STARD4: variants seen among roughly 807,000 people sequenced by gnomAD.
The protein encoded by STARD4 is StAR related lipid transfer domain containing 4.
A neutral mutation model predicts 24.9 loss-of-function variants in STARD4; 33 were observed. The ratio of observed to expected loss-of-function variants is 1.32; its 90% CI spans 1.00 to 1.77. The LOEUF is 1.77. Ranked by LOEUF, STARD4 falls within the 40% of genes most tolerant of loss-of-function variation. The pLI is 0.00. For synonymous variants in STARD4, 88 were observed against 77.4 expected (o/e 1.14, Z -0.72); for missense variants, 238 against 249.3 (o/e 0.95, Z 0.31).
chr5:111,501,835 C>T (rs1756472908), intron 4 of STARD4, 127 bp downstream of exon 4: 2 of 1,303,548 alleles, frequency 1.5e-6, no homozygotes, highest in African/African-American at 1.5e-5. Flanking sequence ...ATATCTTTGT[C>T]GTGACTGCTA....
At chr5:111,500,282 CAA>C in intron 5 of STARD4, 176 bp from the exon 6 acceptor site, 4 of 1,340,726 alleles carry the variant, frequency 3.0e-6, no homozygotes, top group Non-Finnish European at 3.8e-6. Flanking sequence ...AGAATTCTGA[CAA>C]GAGGTTGGCA....
intron 3 of STARD4, among the ~76,000 whole-genome samples, chr5:111,504,351 C>A (rs965832040): frequency 1.3e-5 from 2 of 152,076 alleles, no homozygotes; most frequent in African/African-American, 2.4e-5. Context: ...TTACATATGA[C>A]AACATGGCTA....
At chr5:111,503,314 GATAAATTAA>G (rs1756601796) in intron 3 of STARD4, among the ~76,000 whole-genome samples, 1 of 152,232 alleles carries the variant, frequency 6.6e-6, no homozygotes, top group Admixed American at 6.5e-5. Context: ...ATTAATTCCA[GATAAATTAA>G]ATATCTGTGT....
At chr5:111,509,139 G>A (rs958126891) in intron 1 of STARD4, among the ~76,000 whole-genome samples, 4 of 151,992 alleles carry the variant, frequency 2.6e-5, no homozygotes, top group African/African-American at 9.7e-5. Flanking sequence ...TTATTCAAGA[G>A]TATGCCACAA....
At chr5:111,500,705 G>A in intron 5 of STARD4, 1 of 1,369,886 alleles carries the variant, frequency 7.3e-7, no homozygotes, top group African/African-American at 1.5e-5. Flanking sequence ...TTTTCTGAGA[G>A]TGGCTTAGAA....
At chr5:111,508,637 A>C (rs1757031196) in intron 1 of STARD4, among the ~76,000 whole-genome samples, 1 of 152,174 alleles carries the variant, frequency 6.6e-6, no homozygotes. Context: ...GTTGTCAACT[A>C]TGGATGCACA....
At position 111,502,060 on chromosome 5, in the gene STARD4, G is replaced by C; in HGVS notation, c.184C>G (p.Leu62Val). The change falls in exon 4 of 6, where the codon CTT becomes GTT. Residue 62 changes from leucine (L) to valine (V), a missense_variant. Coordinates refer to ENST00000296632, the MANE Select transcript of STARD4 (RefSeq NM_139164.3). ...LYKAQGVIDD[L>V]VYSIIDHIRP... ...ATATGGTCTATTATACTATAGACAA[G>C]GTCATCTATAACACCTTGGGCTTTG... 6.2e-7 allele frequency: 1 copy of C among 1,614,016 alleles called. No homozygotes were observed. The highest frequency in any genetic ancestry group is 8.5e-7 in the Non-Finnish European group (1 of 1,179,978).
intron 3 of STARD4, among the ~76,000 whole-genome samples, chr5:111,502,384 A>T (rs1052763277): frequency 6.6e-6 from 1 of 150,480 alleles, no homozygotes; most frequent in African/African-American, 2.4e-5. Context: ...CAGGAGAATC[A>T]CTTGAACCCC....
chr5:111,499,916 G>A lies in STARD4; in HGVS notation c.588C>T (p.Asn196=), dbSNP rs1370310148. 1 of 1,614,132 alleles carries A rather than the reference G, an allele frequency of 6.2e-7. No individual in the cohort carries two copies. Among genetic ancestry groups the A allele is most frequent in the Non-Finnish European group, 8.5e-7 (1 of 1,180,008 alleles). The change falls in exon 6 of 6, where the codon AAC becomes AAT. Residue 196 remains asparagine (N), a synonymous_variant. Transcript: ENST00000296632. ...AAGCTTTTCGTAAATCACCATAGAA[G>A]TTGGTTAAAGTGCTTGCCATGGCTG... ...VDTAMASTLT[N]FYGDLRKAL
rs540050879 is a variant in STARD4, at chr5:111,496,855, G to C, written c.*3031C>G. ...ACCTGAATGAACACTGAAATAAAAA[G>C]ATTTTTAAGATTTACAAGCTCCCTA... On this transcript the variant is annotated 3_prime_UTR_variant, in exon 6 of 6. Transcript: ENST00000296632. 2.6e-4 allele frequency: 39 copies of C among 151,962 alleles called. No individual in the cohort carries two copies. The highest frequency in any genetic ancestry group is 5.0e-4 in the Non-Finnish European group (34 of 67,870). The allele number at this position is 151,962 out of a possible 1,614,324, so 9.4% of individuals were successfully genotyped here. A position where few individuals can be genotyped will look rare whatever the true frequency, so the allele number is the denominator to read the frequency against.
Position 111,507,380 on chromosome 5 carries a change from G to C in STARD4, c.54C>G (p.Leu18=), listed in dbSNP as rs1369661449. The change falls in exon 2 of 6, where the codon CTC becomes CTG. Residue 18 remains leucine (L), a synonymous_variant. Transcript: ENST00000296632. This position sits in a 1 kb window ranked among gnomAD's most constrained non-coding sequence, Gnocchi z 4.4. ...CTTCTTCAATGCTATGGTACTGGAT[G>C]AGAGTGTTTTTAAGTTTAGTTGCAA... The part of the protein sequence containing the change: ...ASFATKLKNT[L]IQYHSIEEDK... The C allele has an allele frequency of 1.2e-6, 2 of 1,613,732 alleles. No individual in the cohort carries two copies. The highest frequency in any genetic ancestry group is 1.7e-6 in the Non-Finnish European group (2 of 1,179,806).
chr5:111,505,809 A>C (rs1000232732), intron 3 of STARD4, among the ~76,000 whole-genome samples: 1 of 152,164 alleles, frequency 6.6e-6, no homozygotes, highest in Non-Finnish European at 1.5e-5. Context: ...GTCATTTTAT[A>C]TCATTATTTA....
intron 5 of STARD4, 58 bp from the exon 6 acceptor site, chr5:111,500,164 A>T: frequency 6.9e-7 from 1 of 1,448,314 alleles, no homozygotes; most frequent in Non-Finnish European, 9.1e-7. Flanking sequence ...TAAAACTCTC[A>T]TTTTAAAATA....
Position 111,502,819 on chromosome 5 carries a change from G to GT in STARD4, c.156-732dup, listed in dbSNP as rs35680827. Among the ~76,000 whole-genome samples, 1,017 of 146,568 alleles carry GT rather than the reference G, an allele frequency of 6.9e-3. 12 individuals carry two copies. The highest frequency in any genetic ancestry group is 0.023 in the African/African-American group (920 of 40,116). On this transcript the variant is annotated intron_variant, in intron 3 of 5. Coordinates refer to ENST00000296632, the MANE Select transcript of STARD4 (RefSeq NM_139164.3). The stretch of plus-strand genomic sequence containing the variant: ...AAAAAAAAAATAATAATAATGAAGG[G>GT]TTTTTTTTTTTCTAAAGGGAATAAA...
At chr5:111,510,382 A>G (rs1757169375) in intron 1 of STARD4, among the ~76,000 whole-genome samples, 1 of 152,322 alleles carries the variant, frequency 6.6e-6, no homozygotes, top group Admixed American at 6.5e-5. Context: ...GCAATCTCCA[A>G]CTGTGGAGAA....
At position 111,507,386 on chromosome 5, in the gene STARD4, G is replaced by A. The variant is rs1756944239; in HGVS notation, c.48C>T (p.Asn16=). The A allele has an allele frequency of 6.2e-7, 1 of 1,613,462 alleles. No homozygotes were observed. The highest frequency in any genetic ancestry group is 8.5e-7 in the Non-Finnish European group (1 of 1,179,772). Residue 16 remains asparagine, a synonymous_variant, in exon 2 of 6, where the codon AAC becomes AAT. Coordinates refer to ENST00000296632, the MANE Select transcript of STARD4 (RefSeq NM_139164.3). This position sits in a 1 kb window ranked among gnomAD's most constrained non-coding sequence, Gnocchi z 4.4. ...DVASFATKLK[N]TLIQYHSIEE... is the part of the protein sequence containing the mutation. ...CAATGCTATGGTACTGGATGAGAGTGTTTTTAAGTTTAGTTGCAAAAGAAG... is the reference window on the plus strand; with the variant it reads ...CAATGCTATGGTACTGGATGAGAGTATTTTTAAGTTTAGTTGCAAAAGAAG...
At chr5:111,505,213 G>A (rs189843220) in intron 3 of STARD4, among the ~76,000 whole-genome samples, 372 of 152,274 alleles carry the variant, frequency 2.4e-3, no homozygotes, top group Non-Finnish European at 4.0e-3. Context: ...CAAGCATAAA[G>A]CTCCCTTGAC....
intron 4 of STARD4, 72 bp from the exon 5 acceptor site, chr5:111,501,188 T>A: frequency 7.0e-7 from 1 of 1,424,988 alleles, no homozygotes; most frequent in Non-Finnish European, 9.4e-7. Flanking sequence ...CATAAACTTA[T>A]CTCTGGAAAG....
At position 111,496,335 on chromosome 5, in the gene STARD4, A is replaced by G. The variant is rs1031122056; in HGVS notation, c.*3551T>C. 27 of 152,084 alleles carry G rather than the reference A, an allele frequency of 1.8e-4. No homozygotes were observed. The highest frequency in any genetic ancestry group is 1.3e-3 in the Admixed American group (20 of 15,254). 9.4% of individuals were successfully genotyped at this position (152,084 alleles called of 1,614,324 possible). Reference sequence around the variant, plus strand: ...TATTCTGATGTTTCTTCTACACTCAAGTCCCAACCTTCTCTACTTCTAGAA... The same window carrying G: ...TATTCTGATGTTTCTTCTACACTCAGGTCCCAACCTTCTCTACTTCTAGAA... On this transcript the variant is annotated 3_prime_UTR_variant, in exon 6 of 6. Coordinates refer to ENST00000296632, the MANE Select transcript of STARD4 (RefSeq NM_139164.3).
Sources: gnomAD v4.1 joint callset for allele counts (sites outside exome capture counted in the v4.1 genomes callset) on GRCh38, gnomAD v4.1.1 for gene constraint, Gnocchi (gnomAD v3.1) non-coding constraint, MANE v1.5 for transcripts, NCBI Gene and HGNC (gene_info 2026-07-23, HGNC 2026-07-21) for gene names.